Variants in ERC1 observed in about 807,000 individuals in gnomAD.
ERC1 encodes ELKS/RAB6-interacting/CAST family member 1.
Under a neutral mutation model 132.0 loss-of-function variants are expected in ERC1, and 56 were observed. The observed-to-expected ratio is 0.42, with a 90% CI of 0.34 to 0.53. The LOEUF is 0.53. ERC1 is among the 20% of genes least tolerant of loss of function. The pLI, the probability that ERC1 is intolerant of heterozygous loss-of-function variation, is 0.03. For missense variants in ERC1, 1,202 were observed against 1,349.9 expected (o/e 0.89, Z 1.72); for synonymous variants, 478 against 476.1 (o/e 1.00, Z -0.05).
At chr12:1,002,030 T>A (rs1486863740) in intron 1 of ERC1, among the ~76,000 whole-genome samples, 1 of 151,580 alleles carries the variant, frequency 6.6e-6, no homozygotes, top group Non-Finnish European at 1.5e-5. Flanking sequence ...CCAGCTGTTT[T>A]TTTGTATTTT....
rs1459451397 is a variant in ERC1, at chr12:1,495,124, G to C, written c.*4894G>C. The C allele has an allele frequency of 4.3e-6, 1 of 229,998 alleles. No homozygotes were observed. The highest frequency in any genetic ancestry group is 6.2e-5 in the East Asian group (1 of 16,208). The allele number at this position is 229,998 out of a possible 1,614,324, so 14.2% of individuals were successfully genotyped here. On this transcript the variant is annotated 3_prime_UTR_variant, in exon 19 of 19. Coordinates refer to ENST00000360905, the MANE Select transcript of ERC1 (RefSeq NM_178040.4). ...CTCACCCGACGTGGGTTCTAGCTCA[G>C]TGTGCCTAATACTGCATGGTAACCT...
chr12:1,439,801 G>T (rs574916762), intron 17 of ERC1, among the ~76,000 whole-genome samples: 1 of 152,124 alleles, frequency 6.6e-6, no homozygotes, highest in South Asian at 2.1e-4. Context: ...CTTTCTACTT[G>T]GCAAATGTCC....
At chr12:1,143,314 G>A (rs1391478066) in intron 8 of ERC1, among the ~76,000 whole-genome samples, 1 of 147,814 alleles carries the variant, frequency 6.8e-6, no homozygotes, top group African/African-American at 2.5e-5. Context: ...TCCTAGCTCT[G>A]TTTGGCTTTT....
intron 7 of ERC1, among the ~76,000 whole-genome samples, chr12:1,130,067 G>A (rs776301233): frequency 3.9e-5 from 6 of 152,166 alleles, no homozygotes; most frequent in Non-Finnish European, 8.8e-5. Context: ...TACAGCAGGT[G>A]GAATTCTGCA....
At chr12:1,444,814 C>T in intron 18 of ERC1, 64 bp downstream of exon 18, 1 of 1,470,578 alleles carries the variant, frequency 6.8e-7, no homozygotes, top group Non-Finnish European at 9.4e-7. Context: ...TAGGTTGATG[C>T]AGTGGGGGCT....
intron 8 of ERC1, among the ~76,000 whole-genome samples, chr12:1,179,684 T>A (rs1954176394): frequency 2.6e-5 from 4 of 152,020 alleles, no homozygotes; most frequent in Admixed American, 6.5e-5. Context: ...ATTTTTTGTA[T>A]TTTTAGTAGA....
At chr12:1,144,635 C>CGTATATATATATATATATATATATATAT (rs1566075478) in intron 8 of ERC1, among the ~76,000 whole-genome samples, 1 of 136,440 alleles carries the variant, frequency 7.3e-6, no homozygotes. Flanking sequence ...TATATATATA[C>CGTATATATATATATATATATATATATAT]GTGTATATAT....
intron 2 of ERC1, among the ~76,000 whole-genome samples, chr12:1,033,861 C>T (rs1025314860): frequency 3.9e-5 from 6 of 152,126 alleles, no homozygotes; most frequent in East Asian, 1.9e-4. Context: ...AACTCCTGAC[C>T]TCAGGTGATC....
At chr12:1,261,691 G>GTTTTC (rs1260496514) in intron 13 of ERC1, among the ~76,000 whole-genome samples, 2 of 151,720 alleles carry the variant, frequency 1.3e-5, no homozygotes, top group African/African-American at 4.9e-5. Flanking sequence ...GTTTTGTTTT[G>GTTTTC]TTTGATACAG....
At chr12:1,135,382 G>A (rs1949149163) in intron 7 of ERC1, among the ~76,000 whole-genome samples, 1 of 152,146 alleles carries the variant, frequency 6.6e-6, no homozygotes, top group Non-Finnish European at 1.5e-5. Context: ...GTACACTTCT[G>A]TATATGCTTA....
chr12:1,319,214 C>G (rs2081960333), intron 15 of ERC1, among the ~76,000 whole-genome samples: 1 of 152,136 alleles, frequency 6.6e-6, no homozygotes, highest in South Asian at 2.1e-4. Flanking sequence ...TAAAAGTCAA[C>G]AGTGATACTA....
At chr12:1,059,267 ATGT>A (rs1430098939) in intron 2 of ERC1, among the ~76,000 whole-genome samples, 1 of 152,194 alleles carries the variant, frequency 6.6e-6, no homozygotes, top group African/African-American at 2.4e-5. Context: ...ATATAAGAAC[ATGT>A]TGTCTGCAAA....
At chr12:1,003,601 T>C (rs1592619906) in intron 1 of ERC1, among the ~76,000 whole-genome samples, 1 of 152,264 alleles carries the variant, frequency 6.6e-6, no homozygotes, top group African/African-American at 2.4e-5. Flanking sequence ...TGAATAGAGA[T>C]AGGAGACGTC....
chr12:1,466,146 T>C (rs1028584013), intron 18 of ERC1, among the ~76,000 whole-genome samples: 5 of 152,168 alleles, frequency 3.3e-5, no homozygotes, highest in Admixed American at 6.5e-5. Flanking sequence ...CGTAAATTGA[T>C]TTCCTCACAG....
At chr12:1,036,523 C>T (rs578236902) in intron 2 of ERC1, among the ~76,000 whole-genome samples, 30 of 151,620 alleles carry the variant, frequency 2.0e-4, no homozygotes, top group Admixed American at 1.2e-3. Flanking sequence ...TGCAGGTGCA[C>T]GCCACCACGC....
intron 7 of ERC1, among the ~76,000 whole-genome samples, chr12:1,130,039 T>C (rs558706990): frequency 6.6e-6 from 1 of 152,330 alleles, no homozygotes; most frequent in South Asian, 2.1e-4. Flanking sequence ...TCCTTGTTGG[T>C]ATAATGTTGC....
In ERC1 at chr12:1,347,693, T is replaced by C. The variant is rs180711949; in HGVS notation, c.2781-24140T>C. Among the ~76,000 whole-genome samples the C allele has an allele frequency of 5.3e-5, 8 of 152,278 alleles. No individual in the cohort carries two copies. The East Asian group carries it at 1.5e-3, about 29-fold the overall frequency. ...GTTAAGAATTCAAGGCTTACAAAAATGAACACAAGGCTGGGCACAGTTGCT... is the reference window on the plus strand; with the variant it reads ...GTTAAGAATTCAAGGCTTACAAAAACGAACACAAGGCTGGGCACAGTTGCT... On this transcript the variant is annotated intron_variant, in intron 15 of 18. Transcript: ENST00000360905.
chr12:1,310,209 T>TTTTG (rs1566554198), intron 15 of ERC1, among the ~76,000 whole-genome samples: 4 of 151,320 alleles, frequency 2.6e-5, no homozygotes, highest in African/African-American at 9.7e-5. Flanking sequence ...AAACAGTTCT[T>TTTTG]TTTTATTTTA....
At chr12:1,108,125 C>T (rs1295900239) in intron 4 of ERC1, among the ~76,000 whole-genome samples, 1 of 152,128 alleles carries the variant, frequency 6.6e-6, no homozygotes, top group Non-Finnish European at 1.5e-5. Flanking sequence ...AATTTTCTGG[C>T]CTGATTTCCT....
Sources: gnomAD v4.1 joint callset for allele counts (sites outside exome capture counted in the v4.1 genomes callset) on GRCh38, gnomAD v4.1.1 for gene constraint, MANE v1.5 for transcripts, NCBI Gene and HGNC (gene_info 2026-07-23, HGNC 2026-07-21) for gene names.